Variants in RAD51B observed in about 807,000 individuals in gnomAD.
The protein encoded by RAD51B is RAD51 paralog B, also known as DNA repair protein RAD51 homolog 2.
RAD51B carries 38 observed loss-of-function variants against 42.2 expected under a neutral mutation model. That is an observed-to-expected ratio of 0.90 (90% CI 0.70 to 1.18). The LOEUF (loss-of-function observed/expected upper bound fraction) is 1.18, where lower values mean the gene tolerates loss of function less well. RAD51B is among the 50% of genes most tolerant of loss of function. The pLI, the probability that RAD51B is intolerant of heterozygous loss-of-function variation, is 0.00. For synonymous variants in RAD51B, 154 were observed against 145.2 expected (o/e 1.06, Z -0.43); for missense variants, 373 against 400.7 (o/e 0.93, Z 0.59).
chr14:67,987,841 T>C (rs2075221115), intron 7 of RAD51B, among the ~76,000 whole-genome samples: 1 of 152,230 alleles, frequency 6.6e-6, no homozygotes, highest in Non-Finnish European at 1.5e-5. Flanking sequence ...TGTGGATAAC[T>C]TGGCAATCGC....
chr14:68,442,774 T>C (rs1390907791), intron 9 of RAD51B, among the ~76,000 whole-genome samples: 2 of 150,830 alleles, frequency 1.3e-5, no homozygotes, highest in East Asian at 3.8e-4. Context: ...TTATTCTTTA[T>C]GCTAACCTGT....
intron 7 of RAD51B, chr14:68,125,007 T>C (rs1389048155): frequency 6.6e-6 from 1 of 152,004 alleles, no homozygotes; most frequent in Non-Finnish European, 1.5e-5. Context: ...GGTGACGAAG[T>C]GAAATTTTCC....
chr14:67,869,694 G>A (rs903809064), intron 5 of RAD51B, among the ~76,000 whole-genome samples: 1,570 of 152,074 alleles, frequency 0.01, 26 homozygotes, highest in African/African-American at 0.036. Flanking sequence ...GAGAAAGGTC[G>A]GGTTACCCTC....
In RAD51B at chr14:68,456,869, A is replaced by ATTTTTTTTTTTTTTTTTT. The variant is rs71129889; in HGVS notation, c.958-11268_958-11251dup. ...AAACTTCTCCAATCACAATGGAATGATTTTTTTTTTTTTTTTTTTTTTTTT... is the reference window on the plus strand; with the variant it reads ...AAACTTCTCCAATCACAATGGAATGATTTTTTTTTTTTTTTTTTTTTTTTTTTTTTTTTTTTTTTTTTT... On this transcript the variant is annotated intron_variant, in intron 9 of 10. Transcript: ENST00000471583. Among the ~76,000 whole-genome samples, 5 of 66,460 alleles carry ATTTTTTTTTTTTTTTTTT rather than the reference A, an allele frequency of 7.5e-5. 2 individuals are homozygous for ATTTTTTTTTTTTTTTTTT. Among genetic ancestry groups the ATTTTTTTTTTTTTTTTTT allele is most frequent in the Non-Finnish European group, 1.5e-4 (5 of 32,922 alleles). The allele number at this position is 66,460 out of a possible 152,430, so 43.6% of individuals were successfully genotyped here.
At chr14:68,200,213 T>C (rs1049926948) in intron 7 of RAD51B, among the ~76,000 whole-genome samples, 1 of 152,186 alleles carries the variant, frequency 6.6e-6, no homozygotes, top group Non-Finnish European at 1.5e-5. Context: ...TTGTGGCACC[T>C]TCCTTGTCCA....
Position 68,590,117 on chromosome 14 carries a change from G to A in RAD51B, c.1037-4368G>A, listed in dbSNP as rs571364838. On this transcript the variant is annotated intron_variant, in intron 10 of 10. Coordinates refer to the RAD51B transcript ENST00000487270. ...CAGGTCACCCTGAGCAGCCGACTGG[G>A]GTGTCACCCAGATGCTGATTCCAAA... 7.9e-5 allele frequency among the ~76,000 whole-genome samples: 12 copies of A among 152,310 alleles called. No homozygotes were observed. In the East Asian group the frequency reaches 1.5e-3, roughly 20 times the overall value.
intron 10 of RAD51B, among the ~76,000 whole-genome samples, chr14:68,588,522 C>T (rs950237352): frequency 2.0e-5 from 3 of 152,162 alleles, no homozygotes; most frequent in Non-Finnish European, 4.4e-5. Context: ...CCCAGAGGGA[C>T]CAAGCTTTCT....
chr14:68,296,908 G>A (rs772435743), intron 8 of RAD51B, among the ~76,000 whole-genome samples: 24 of 152,292 alleles, frequency 1.6e-4, no homozygotes, highest in Admixed American at 7.9e-4. Flanking sequence ...GTGTGGATAG[G>A]TCAAGGAAAG....
At chr14:68,154,189 T>C (rs1255158188) in intron 7 of RAD51B, among the ~76,000 whole-genome samples, 2 of 152,230 alleles carry the variant, frequency 1.3e-5, no homozygotes, top group African/African-American at 4.8e-5. Context: ...AAGATATTTG[T>C]ATTCCTATAA....
intron 10 of RAD51B, among the ~76,000 whole-genome samples, chr14:68,618,570 T>G (rs146243120): frequency 6.6e-6 from 1 of 152,348 alleles, no homozygotes; most frequent in East Asian, 1.9e-4. Flanking sequence ...TGTCCATAGC[T>G]TGATAAATAA....
At chr14:68,503,499 T>C (rs992068349) in intron 10 of RAD51B, among the ~76,000 whole-genome samples, 1 of 136,176 alleles carries the variant, frequency 7.3e-6, no homozygotes, top group Non-Finnish European at 1.7e-5. Flanking sequence ...ACTCACTAGA[T>C]TTCTATCTTT....
At chr14:68,307,410 C>T (rs2081889977) in intron 8 of RAD51B, among the ~76,000 whole-genome samples, 1 of 152,208 alleles carries the variant, frequency 6.6e-6, no homozygotes, top group Non-Finnish European at 1.5e-5. Flanking sequence ...CGATTCACAG[C>T]CTTACTTAGG....
In RAD51B at chr14:68,066,204, G is replaced by A. The variant is rs971273284; in HGVS notation, c.756+179000G>A. ...GTTGGAAAACACTTACGTTGTAATA[G>A]TAATTAAATAAGGCAGGATAATAAA... is the stretch of plus-strand genomic sequence containing the variant. On this transcript the variant is annotated intron_variant, in intron 7 of 10. Transcript: ENST00000471583. 2.0e-5 allele frequency among the ~76,000 whole-genome samples: 3 copies of A among 151,922 alleles called. No individual in the cohort carries two copies. In the East Asian group the frequency reaches 5.8e-4, roughly 29 times the overall value.
intron 11 of RAD51B, among the ~76,000 whole-genome samples, chr14:68,663,023 A>G (rs960175773): frequency 6.6e-6 from 1 of 152,226 alleles, no homozygotes; most frequent in Non-Finnish European, 1.5e-5. Flanking sequence ...GGGTGGGGCC[A>G]GGCGTGGTGG....
chr14:68,559,905 G>A (rs1230511700), intron 10 of RAD51B, among the ~76,000 whole-genome samples: 1 of 152,174 alleles, frequency 6.6e-6, no homozygotes, highest in Admixed American at 6.5e-5. Flanking sequence ...AGTGCTGAAG[G>A]CAGCAGCTCT....
intron 7 of RAD51B, among the ~76,000 whole-genome samples, chr14:68,021,648 G>A (rs1460467874): frequency 6.6e-6 from 1 of 152,050 alleles, no homozygotes; most frequent in Admixed American, 6.6e-5. Context: ...TTATTTACAG[G>A]CATACCTTGG....
intron 8 of RAD51B, among the ~76,000 whole-genome samples, chr14:68,375,078 G>A (rs2083339319): frequency 6.6e-6 from 1 of 151,822 alleles, no homozygotes; most frequent in South Asian, 2.1e-4. Context: ...GTTTGTAAAG[G>A]TTAGTGCAGA....
intron 7 of RAD51B, among the ~76,000 whole-genome samples, chr14:68,062,814 C>CAAAAAAAAAA (rs962527138): frequency 2.5e-5 from 1 of 39,790 alleles, no homozygotes; most frequent in Non-Finnish European, 5.4e-5. Context: ...GACTCTGTGA[C>CAAAAAAAAAA]AAAAAAAAAA....
chr14:67,911,638 A>G (rs2043982223), intron 7 of RAD51B, among the ~76,000 whole-genome samples: 1 of 152,028 alleles, frequency 6.6e-6, no homozygotes, highest in Non-Finnish European at 1.5e-5. Flanking sequence ...GATTTTTTTC[A>G]TTTTTTTAAA....
Sources: allele counts gnomAD v4.1 joint callset (sites outside exome capture counted in the v4.1 genomes callset), GRCh38; gene constraint gnomAD v4.1.1; transcripts MANE v1.5; gene names NCBI Gene and HGNC (gene_info 2026-07-23, HGNC 2026-07-21).